KIAA1755: variants seen among roughly 807,000 people sequenced by gnomAD.
The protein encoded by KIAA1755 is KIAA1755, also known as uncharacterized protein KIAA1755.
Under a neutral mutation model 91.7 loss-of-function variants are expected in KIAA1755, and 68 were observed. The ratio of observed to expected loss-of-function variants is 0.74; its 90% CI spans 0.61 to 0.91. The LOEUF is 0.91. KIAA1755 is among the 40% of genes least tolerant of loss of function. The pLI, the probability that KIAA1755 is intolerant of heterozygous loss-of-function variation, is 0.00. For missense variants in KIAA1755, 1,535 were observed against 1,494.4 expected (o/e 1.03, Z -0.45); for synonymous variants, 610 against 604.6 (o/e 1.01, Z -0.13).
Position 38,217,283 on chromosome 20 carries a change from CG to C in KIAA1755, c.2870del (p.Thr957SerfsTer12), listed in dbSNP as rs774077252. The C allele has an allele frequency of 1.1e-5, 17 of 1,605,490 alleles. No individual in the cohort carries two copies. The highest frequency in any genetic ancestry group is 5.1e-5 in the Admixed American group (3 of 58,640). On this transcript the variant is annotated frameshift_variant, in exon 13 of 14. Coordinates refer to ENST00000279024, the MANE Select transcript of KIAA1755 (RefSeq NM_001029864.2). LOFTEE classifies it low-confidence loss of function (END_TRUNC). Reference protein sequence around the residue: ...AAERQRTDLETLLHLHRFCKR... With the variant: ...AAERQRTDLEXLLHLHRFCKR... ...TGCAGAAGCGGTGCAGGTGGAGCAG[CG>C]TCTCGAGGTCCGTGCGTTGCCGCTC...
chr20:38,246,024 G>A lies in KIAA1755; in HGVS notation c.106C>T (p.Leu36=). The part of the protein sequence containing the change: ...PTVLGQVFRL[L]DSGFQGDGLS... ...CCATCCCCCTGGAAGCCAGAGTCCA[G>A]GAGACGGAACACCTGACCCAGGACG... The change falls in exon 2 of 14, where the codon CTG becomes TTG. Residue 36 remains leucine, a synonymous_variant. Coordinates refer to ENST00000279024, the MANE Select transcript of KIAA1755 (RefSeq NM_001029864.2). The A allele has an allele frequency of 6.2e-7, 1 of 1,614,200 alleles. No individual in the cohort carries two copies. The highest frequency in any genetic ancestry group is 8.5e-7 in the Non-Finnish European group (1 of 1,180,034).
intron 5 of KIAA1755, 44 bp from the exon 6 acceptor site, chr20:38,228,284 G>T: frequency 6.7e-7 from 1 of 1,492,884 alleles, no homozygotes; most frequent in East Asian, 2.4e-5. Flanking sequence ...GGATGGCCTC[G>T]GACAGGGGGC....
At chr20:38,222,314 C>T (rs2075673122) in intron 10 of KIAA1755, 135 bp downstream of exon 10, 2 of 888,266 alleles carry the variant, frequency 2.3e-6, no homozygotes, top group African/African-American at 3.3e-5. Flanking sequence ...GCCTGGGATA[C>T]AGGCCCTGCA....
In KIAA1755 at chr20:38,222,469, C is replaced by T. The variant is rs769392337; in HGVS notation, c.2397G>A (p.Leu799=). ...TGTACCTGACATCAGGGCTGAAGTCCAGCCTGCTGGCATCATGCTGCAGCC... is the reference window on the plus strand; with the variant it reads ...TGTACCTGACATCAGGGCTGAAGTCTAGCCTGCTGGCATCATGCTGCAGCC... The part of the protein sequence containing the change: ...LARLQHDASR[L]DFSPDVRSHL... Residue 799 remains leucine, a synonymous_variant, in exon 10 of 14, where the codon CTG becomes CTA. Coordinates refer to ENST00000279024, the MANE Select transcript of KIAA1755 (RefSeq NM_001029864.2). 1 of 1,613,288 alleles carries T rather than the reference C, an allele frequency of 6.2e-7. No individual in the cohort carries two copies. The highest frequency in any genetic ancestry group is 8.5e-7 in the Non-Finnish European group (1 of 1,179,968).
At chr20:38,225,888 A>G (rs999866559) in intron 7 of KIAA1755, 107 bp from the exon 8 acceptor site, 2 of 605,336 alleles carry the variant, frequency 3.3e-6, no homozygotes, top group African/African-American at 3.9e-5. Context: ...CCCACAAGTA[A>G]GGTTGACTCC....
chr20:38,241,076 A>G lies in KIAA1755; in HGVS notation c.1055T>C (p.Phe352Ser). The G allele has an allele frequency of 6.2e-7, 1 of 1,614,102 alleles. No homozygotes were observed. The highest frequency in any genetic ancestry group is 8.5e-7 in the Non-Finnish European group (1 of 1,180,016). The part of the protein sequence containing the change: ...SSEERPYNLG[F>S]RRKVNLKAPT... ...TGCTTTAAGATTGACCTTTCTCCTGAAGCCCAAATTATAGGGCCTCTCCTC... is the reference window on the plus strand; with the variant it reads ...TGCTTTAAGATTGACCTTTCTCCTGGAGCCCAAATTATAGGGCCTCTCCTC... The change falls in exon 3 of 14, where the codon TTC (phenylalanine) becomes TCC (serine). Residue 352 changes from phenylalanine (F) to serine (S), a missense_variant. Coordinates refer to ENST00000279024, the MANE Select transcript of KIAA1755 (RefSeq NM_001029864.2).
At chr20:38,258,978 G>A (rs772847995) in intron 1 of KIAA1755, among the ~76,000 whole-genome samples, 36 of 152,168 alleles carry the variant, frequency 2.4e-4, no homozygotes, top group Non-Finnish European at 4.7e-4. Context: ...CCAGGTGCAC[G>A]CTGTGGCCCT....
chr20:38,252,937 C>A (rs532093354), intron 1 of KIAA1755, among the ~76,000 whole-genome samples: 1 of 152,192 alleles, frequency 6.6e-6, no homozygotes, highest in African/African-American at 2.4e-5. Flanking sequence ...TAGCCACTCT[C>A]ATTCCCAATC....
Position 38,241,605 on chromosome 20 carries a change from CA to C in KIAA1755, c.525del (p.Val176CysfsTer6), listed in dbSNP as rs1436746040. ...GGGCTGGTTATCTTGGTCCAAGGCA[CA>C]GGGGCAATCCCATTTTCTGATGCTA... Reference protein sequence around the residue: ...CLVASENGIAPVPWTKITSPE... With the variant: ...CLVASENGIAXVPWTKITSPE... On this transcript the variant is annotated frameshift_variant, in exon 3 of 14. Coordinates refer to ENST00000279024, the MANE Select transcript of KIAA1755 (RefSeq NM_001029864.2). LOFTEE classifies it high-confidence loss of function. The C allele has an allele frequency of 2.5e-6, 4 of 1,614,136 alleles. No individual in the cohort carries two copies. The highest frequency in any genetic ancestry group is 8.5e-7 in the Non-Finnish European group (1 of 1,180,054).
rs111951783 is a variant in KIAA1755 at position 38,253,238 on chromosome 20, C to T, written c.4-7112G>A. ...ACTGCTGGCTCCTATACCATGCTCA[C>T]GACCTTCTGGACTGACCCAGGGAAG... On this transcript the variant is annotated intron_variant, in intron 1 of 13. Transcript: ENST00000279024. Among the ~76,000 whole-genome samples, 521 of 152,310 alleles carry T rather than the reference C, an allele frequency of 3.4e-3. 2 individuals are homozygous for T. Among genetic ancestry groups the T allele is most frequent in the African/African-American group, 0.012 (479 of 41,578 alleles).
At chr20:38,237,578 A>T (rs2075979897) in intron 4 of KIAA1755, among the ~76,000 whole-genome samples, 1 of 151,958 alleles carries the variant, frequency 6.6e-6, no homozygotes, top group Non-Finnish European at 1.5e-5. Flanking sequence ...GGGAGACATA[A>T]TGATGGGGAA....
Position 38,223,543 on chromosome 20 carries a change from TC to T in KIAA1755, c.2262del (p.Met755CysfsTer8). ...TCACCATGCTCCAGGCTCACCTGCA[TC>T]CCCCCAGGGGGGTCGGCCTTCTCGA... ...EEFEKADPPG[G>X]MQEATRCLSK... On this transcript the variant is annotated frameshift_variant, in exon 9 of 14. Transcript: ENST00000279024. LOFTEE classifies it high-confidence loss of function. 3 of 1,576,686 alleles carry T rather than the reference TC, an allele frequency of 1.9e-6. No homozygotes were observed. Among genetic ancestry groups the T allele is most frequent in the East Asian group, 2.4e-5 (1 of 41,652 alleles).
chr20:38,253,862 T>C (rs540780975), intron 1 of KIAA1755, among the ~76,000 whole-genome samples: 2 of 152,328 alleles, frequency 1.3e-5, no homozygotes, highest in South Asian at 2.1e-4. Flanking sequence ...AGCTGGACTT[T>C]CTGAGATGTG....
chr20:38,216,959 T>G (rs976822114), intron 13 of KIAA1755: 3 of 642,812 alleles, frequency 4.7e-6, no homozygotes, highest in Non-Finnish European at 8.7e-6. Flanking sequence ...ACATCTATGT[T>G]CAAATCTCAG....
intron 1 of KIAA1755, among the ~76,000 whole-genome samples, chr20:38,253,472 AG>A (rs571577590): frequency 2.8e-4 from 42 of 152,344 alleles, no homozygotes; most frequent in Admixed American, 2.4e-3. Flanking sequence ...CCACTTACCC[AG>A]ATCAAGAGAC....
In KIAA1755 at chr20:38,223,594, G is replaced by T. The variant is rs1419544193; in HGVS notation, c.2212C>A (p.Leu738Met). ...AATTCCTCGATGGAAGCTTGTAGCA[G>T]GGAAGAGGCCTGGTGGAGGTCAGCA... ...FLADLHQASSLLQASIEEFEK... is the reference protein window; with the variant it reads ...FLADLHQASSMLQASIEEFEK... The change falls in exon 9 of 14, where the codon CTG becomes ATG. Residue 738 changes from leucine to methionine, a missense_variant. Transcript: ENST00000279024. 1 of 1,603,242 alleles carries T rather than the reference G, an allele frequency of 6.2e-7. No individual in the cohort carries two copies. The highest frequency in any genetic ancestry group is 8.5e-7 in the Non-Finnish European group (1 of 1,175,750).
chr20:38,245,788 A>C, intron 2 of KIAA1755, 141 bp downstream of exon 2: 1 of 708,420 alleles, frequency 1.4e-6, no homozygotes, highest in Non-Finnish European at 2.4e-6. Context: ...TGGGCAAGCA[A>C]TGATACTTGG....
chr20:38,217,113 G>A lies in KIAA1755; in HGVS notation c.2901+140C>T, dbSNP rs553014285. 3.0e-4 allele frequency: 214 copies of A among 705,156 alleles called. 1 individual carries two copies. Among genetic ancestry groups the A allele is most frequent in the Admixed American group, 1.2e-3 (54 of 44,412 alleles). The allele number at this position is 705,156 out of a possible 1,614,324, so 43.7% of individuals were successfully genotyped here. ...GGTGTCTGTGCAAGTGGGTGGGGGGGGGCTGTGTCTAGGTATCCAAGGGAT... is the reference window on the plus strand; with the variant it reads ...GGTGTCTGTGCAAGTGGGTGGGGGGAGGCTGTGTCTAGGTATCCAAGGGAT... On this transcript the variant is annotated intron_variant, in intron 13 of 13. Transcript: ENST00000279024.
At chr20:38,216,950 C>T (rs2075554587) in intron 13 of KIAA1755, 2 of 630,064 alleles carry the variant, frequency 3.2e-6, no homozygotes, top group Non-Finnish European at 5.9e-6. Flanking sequence ...ACCACAGACA[C>T]ATCTATGTTC....
Sources: gnomAD v4.1 joint callset for allele counts (sites outside exome capture counted in the v4.1 genomes callset) on GRCh38, gnomAD v4.1.1 for gene constraint, MANE v1.5 for transcripts, NCBI Gene and HGNC (gene_info 2026-07-23, HGNC 2026-07-21) for gene names.